The following XKR4 variants were observed in gnomAD, a reference collection of about 807,000 sequenced individuals.
The protein encoded by XKR4 is XK related 4, also known as XK-related protein 4.
Under a neutral mutation model 53.9 loss-of-function variants are expected in XKR4, and 12 were observed. The ratio of observed to expected loss-of-function variants is 0.22; its 90% confidence interval spans 0.14 to 0.36. XKR4 has a LOEUF of 0.36. XKR4 is among the 10% of genes least tolerant of loss of function. The pLI, the probability that XKR4 is intolerant of heterozygous loss-of-function variation, is 1.00. For synonymous variants in XKR4, 354 were observed against 362.4 expected, an observed-to-expected ratio of 0.98 and a Z score of 0.26; for missense variants, 799 against 859.5, an observed-to-expected ratio of 0.93 and a Z score of 0.88.
At chr8:55,122,853 G>A (rs1816411100) in intron 1 of XKR4, among the ~76,000 whole-genome samples, 1 of 151,972 alleles carries the variant, frequency 6.6e-6, no homozygotes, top group South Asian at 2.1e-4. Context: ...CACCTGAGGA[G>A]TTTACTGTGG....
chr8:55,205,298 T>C (rs926533294), intron 1 of XKR4, among the ~76,000 whole-genome samples: 3 of 152,236 alleles, frequency 2.0e-5, no homozygotes, highest in Non-Finnish European at 4.4e-5. Context: ...GACATTTTAT[T>C]TTGTTTTGTA....
At chr8:55,462,742 G>A (rs1416733165) in intron 2 of XKR4, among the ~76,000 whole-genome samples, 1 of 152,116 alleles carries the variant, frequency 6.6e-6, no homozygotes, top group African/African-American at 2.4e-5. Flanking sequence ...CTCACGTGCA[G>A]AGACACACAT....
intron 2 of XKR4, among the ~76,000 whole-genome samples, chr8:55,444,791 G>A (rs1236466459): frequency 6.6e-6 from 1 of 152,140 alleles, no homozygotes; most frequent in Non-Finnish European, 1.5e-5. Context: ...ATCTATTAAA[G>A]TTTAATATAC....
At chr8:55,478,624 G>A (rs1168254508) in intron 2 of XKR4, among the ~76,000 whole-genome samples, 1 of 152,134 alleles carries the variant, frequency 6.6e-6, no homozygotes, top group African/African-American at 2.4e-5. Flanking sequence ...AAAGAGTCAA[G>A]ACCCATCAGT....
chr8:55,175,481 A>G (rs1817216267), intron 1 of XKR4, among the ~76,000 whole-genome samples: 1 of 152,222 alleles, frequency 6.6e-6, no homozygotes, highest in African/African-American at 2.4e-5. Flanking sequence ...CCAGTTTTAT[A>G]ATTGAATATT....
At position 55,229,781 on chromosome 8, in the gene XKR4, T is replaced by A. The variant is rs555389095; in HGVS notation, c.806+126487T>A. On this transcript the variant is annotated intron_variant, in intron 1 of 2. Coordinates refer to ENST00000327381, the MANE Select transcript of XKR4 (RefSeq NM_052898.2). ...CCTTGGCCCCCCTACAGAAGCTTAG[T>A]CCTGCATTGCCAACTCCAGCTGGAC... Among the ~76,000 whole-genome samples the A allele has an allele frequency of 4.6e-5, 7 of 152,284 alleles. No homozygotes were observed. The East Asian group carries it at 1.4e-3, about 29-fold the overall frequency.
chr8:55,244,897 A>ACTTTT (rs1563491787), intron 1 of XKR4, among the ~76,000 whole-genome samples: 1 of 110,828 alleles, frequency 9.0e-6, no homozygotes, highest in African/African-American at 3.4e-5. Context: ...CTTTGCCAAC[A>ACTTTT]TTTTTTTTTT....
At chr8:55,217,616 T>C (rs1817823812) in intron 1 of XKR4, among the ~76,000 whole-genome samples, 1 of 152,228 alleles carries the variant, frequency 6.6e-6, no homozygotes, top group Non-Finnish European at 1.5e-5. Flanking sequence ...GCATGGACTA[T>C]TACTCAAAAG....
intron 1 of XKR4, among the ~76,000 whole-genome samples, chr8:55,329,499 G>A (rs1304935956): frequency 6.6e-6 from 1 of 151,486 alleles, no homozygotes; most frequent in African/African-American, 2.4e-5. Context: ...GAACACCCCT[G>A]GTCTACATAA....
chr8:55,475,281 TG>T (rs1285855595), intron 2 of XKR4, among the ~76,000 whole-genome samples: 1 of 152,098 alleles, frequency 6.6e-6, no homozygotes, highest in African/African-American at 2.4e-5. Flanking sequence ...GGCCCAGGGT[TG>T]TGGGCAGGTG....
intron 1 of XKR4, among the ~76,000 whole-genome samples, chr8:55,356,245 C>G (rs992051721): frequency 6.6e-6 from 1 of 152,204 alleles, no homozygotes; most frequent in Non-Finnish European, 1.5e-5. Context: ...AATAGAACAA[C>G]TAATTCTGAT....
chr8:55,262,712 C>T (rs1039964545), intron 1 of XKR4, among the ~76,000 whole-genome samples: 1 of 152,190 alleles, frequency 6.6e-6, no homozygotes, highest in Non-Finnish European at 1.5e-5. Context: ...CTTGTTTAAG[C>T]CACACACCCT....
At chr8:55,195,710 T>G (rs1028794085) in intron 1 of XKR4, among the ~76,000 whole-genome samples, 3 of 152,216 alleles carry the variant, frequency 2.0e-5, no homozygotes, top group African/African-American at 7.2e-5. Context: ...TTTTTAAAAC[T>G]TAAGCACTTT....
At chr8:55,206,605 A>T (rs1257363788) in intron 1 of XKR4, among the ~76,000 whole-genome samples, 2 of 152,238 alleles carry the variant, frequency 1.3e-5, no homozygotes, top group African/African-American at 4.8e-5. Context: ...TACAATTATG[A>T]TAAAGAAAAC....
At chr8:55,337,035 G>T (rs914279455) in intron 1 of XKR4, among the ~76,000 whole-genome samples, 1 of 151,998 alleles carries the variant, frequency 6.6e-6, no homozygotes, top group Admixed American at 6.6e-5. Context: ...TAAATATTAC[G>T]CTTTATATTT....
chr8:55,466,860 A>G (rs1013039171), intron 2 of XKR4, among the ~76,000 whole-genome samples: 2 of 152,184 alleles, frequency 1.3e-5, no homozygotes, highest in Non-Finnish European at 2.9e-5. Flanking sequence ...TCTGATTAAT[A>G]CCTCAGGATA....
At chr8:55,227,790 C>T (rs1292544000) in intron 1 of XKR4, among the ~76,000 whole-genome samples, 2 of 152,224 alleles carry the variant, frequency 1.3e-5, no homozygotes, top group South Asian at 2.1e-4. Flanking sequence ...TCAATGCAGC[C>T]CAGGGACTGC....
chr8:55,462,143 G>A (rs1381690266), intron 2 of XKR4, among the ~76,000 whole-genome samples: 1 of 152,070 alleles, frequency 6.6e-6, no homozygotes, highest in Non-Finnish European at 1.5e-5. Flanking sequence ...GATACTCCTC[G>A]AGAAGAGCAA....
chr8:55,182,268 A>C (rs1817320747), intron 1 of XKR4, among the ~76,000 whole-genome samples: 1 of 152,062 alleles, frequency 6.6e-6, no homozygotes, highest in Non-Finnish European at 1.5e-5. Context: ...AATTTTGGTA[A>C]AGTCCAGTTT....
Sources: gnomAD v4.1 joint callset for allele counts (sites outside exome capture counted in the v4.1 genomes callset) on GRCh38, gnomAD v4.1.1 for gene constraint, MANE v1.5 for transcripts, NCBI Gene and HGNC (gene_info 2026-07-23, HGNC 2026-07-21) for gene names.